The following AHCYL2 variants were observed in gnomAD, a reference collection of about 807,000 sequenced individuals.
AHCYL2 encodes S-adenosylhomocysteine hydrolase-like protein 2.
AHCYL2 carries 28 observed loss-of-function variants against 81.4 expected under a neutral mutation model. The observed-to-expected ratio is 0.34, with a 90% CI of 0.25 to 0.47. AHCYL2 has a LOEUF of 0.47. Among genes scored for constraint, AHCYL2 ranks in the 20% least tolerant of loss-of-function variants. AHCYL2 has a pLI of 1.00. For missense variants in AHCYL2, 551 were observed against 785.1 expected, an observed-to-expected ratio of 0.70 and a Z score of 3.56; for synonymous variants, 272 against 290.2, an observed-to-expected ratio of 0.94 and a Z score of 0.64.
chr7:129,288,112 T>C (rs1046864452), intron 1 of AHCYL2, among the ~76,000 whole-genome samples: 26 of 152,254 alleles, frequency 1.7e-4, no homozygotes, highest in Admixed American at 1.2e-3. Flanking sequence ...AATGTATATT[T>C]TTTCAGTATG....
At chr7:129,290,971 G>A (rs1297095976) in intron 1 of AHCYL2, among the ~76,000 whole-genome samples, 1 of 150,770 alleles carries the variant, frequency 6.6e-6, no homozygotes, top group African/African-American at 2.4e-5. Flanking sequence ...TTATTTAATT[G>A]CCATTTGTTA....
intron 6 of AHCYL2, among the ~76,000 whole-genome samples, chr7:129,400,899 A>C (rs1291505704): frequency 6.6e-6 from 1 of 152,210 alleles, no homozygotes; most frequent in African/African-American, 2.4e-5. Flanking sequence ...TCTTCTCTTT[A>C]TATTCTTTCC....
intron 1 of AHCYL2, among the ~76,000 whole-genome samples, chr7:129,236,043 G>A (rs1794632839): frequency 1.5e-5 from 2 of 135,794 alleles, no homozygotes; most frequent in East Asian, 2.1e-4. Flanking sequence ...TTTTTTGAGA[G>A]TTTTTTGAGA....
chr7:129,232,147 G>A (rs1364287797), intron 1 of AHCYL2, among the ~76,000 whole-genome samples: 2 of 152,096 alleles, frequency 1.3e-5, no homozygotes, highest in Non-Finnish European at 2.9e-5. Flanking sequence ...GCTCCAAGGT[G>A]AAACTTCATC....
chr7:129,385,983 G>A (rs1438505040), intron 2 of AHCYL2, among the ~76,000 whole-genome samples: 1 of 152,130 alleles, frequency 6.6e-6, no homozygotes, highest in Non-Finnish European at 1.5e-5. Context: ...GAATAAATGA[G>A]TAAATTTATT....
At chr7:129,327,937 G>T (rs1393886906) in intron 1 of AHCYL2, among the ~76,000 whole-genome samples, 1 of 151,982 alleles carries the variant, frequency 6.6e-6, no homozygotes, top group African/African-American at 2.4e-5. Context: ...GGTACTACAG[G>T]TATGCACCAC....
intron 1 of AHCYL2, among the ~76,000 whole-genome samples, chr7:129,232,303 C>G (rs1794475604): frequency 6.6e-6 from 1 of 152,156 alleles, no homozygotes; most frequent in African/African-American, 2.4e-5. Flanking sequence ...GTAGTACTAT[C>G]TTTATATTAT....
chr7:129,374,447 G>A (rs1794571865), intron 1 of AHCYL2, among the ~76,000 whole-genome samples: 2 of 151,656 alleles, frequency 1.3e-5, no homozygotes. Context: ...TTCTCTTCCA[G>A]AGATGTCAAT....
intron 1 of AHCYL2, among the ~76,000 whole-genome samples, chr7:129,305,235 G>A (rs1797398064): frequency 6.6e-6 from 1 of 152,170 alleles, no homozygotes; most frequent in Non-Finnish European, 1.5e-5. Context: ...GCCGAGGCGG[G>A]CAGATCACGA....
At chr7:129,305,093 ATATCT>A (rs777200577) in intron 1 of AHCYL2, among the ~76,000 whole-genome samples, 6 of 152,102 alleles carry the variant, frequency 3.9e-5, no homozygotes, top group Admixed American at 1.3e-4. Flanking sequence ...TTTGCAAATA[ATATCT>A]TATAACCCAT....
Position 129,225,435 on chromosome 7 carries a change from A to G in AHCYL2, c.359A>G (p.Lys120Arg). 1 of 1,510,476 alleles carries G rather than the reference A, an allele frequency of 6.6e-7. No individual in the cohort carries two copies. The highest frequency in any genetic ancestry group is 8.8e-7 in the Non-Finnish European group (1 of 1,135,448). 93.6% of individuals were successfully genotyped at this position (1,510,476 alleles called of 1,614,324 possible). A position where few individuals can be genotyped will look rare whatever the true frequency, so the allele number is the denominator to read the frequency against. Residue 120 changes from lysine to arginine, a missense_variant, in exon 1 of 17, where the codon AAG becomes AGG. By Grantham distance (26) the Lys-to-Arg change is conservative (BLOSUM62 2). This residue lies in a region of AHCYL2 where 235 missense variants were observed against 242.1 expected (regional missense o/e 0.97). Transcript: ENST00000325006. Reference sequence around the variant, plus strand: ...GTCACCGAGGCGCCGCGCACAGTCAAGAAGGTACTGGGGCCGGGCTGCCTC... The same window carrying G: ...GTCACCGAGGCGCCGCGCACAGTCAGGAAGGTACTGGGGCCGGGCTGCCTC... ...GTVTEAPRTVKKQIQFADQKQ... is the reference protein window; with the variant it reads ...GTVTEAPRTVRKQIQFADQKQ...
rs535102169 is a variant in AHCYL2, at chr7:129,281,784, C to G, written c.363+56345C>G. 7.9e-5 allele frequency among the ~76,000 whole-genome samples: 12 copies of G among 152,278 alleles called. No homozygotes were observed. In the South Asian group the frequency reaches 2.3e-3, roughly 29 times the overall value. On this transcript the variant is annotated intron_variant, in intron 1 of 16. Coordinates refer to ENST00000325006, the MANE Select transcript of AHCYL2 (RefSeq NM_015328.4). ...AAGTGCTGGGATTACAGGCGTGAGCCACTGCACCTGGCCATGTTTCTTGAT... is the reference window on the plus strand; with the variant it reads ...AAGTGCTGGGATTACAGGCGTGAGCGACTGCACCTGGCCATGTTTCTTGAT...
At chr7:129,364,184 C>T (rs745895267) in intron 1 of AHCYL2, among the ~76,000 whole-genome samples, 6 of 152,138 alleles carry the variant, frequency 3.9e-5, no homozygotes, top group Non-Finnish European at 8.8e-5. Flanking sequence ...GCAATGATCA[C>T]ATCACTGCAC....
At chr7:129,397,552 T>G (rs1173050625) in intron 5 of AHCYL2, among the ~76,000 whole-genome samples, 1 of 152,260 alleles carries the variant, frequency 6.6e-6, no homozygotes, top group Non-Finnish European at 1.5e-5. Context: ...TCTAATATTC[T>G]ATTGTTAGGT....
chr7:129,228,565 G>A (rs1794308345), intron 1 of AHCYL2, among the ~76,000 whole-genome samples: 1 of 152,224 alleles, frequency 6.6e-6, no homozygotes, highest in Admixed American at 6.5e-5. Context: ...TTGGGAAATG[G>A]GAAGGTAAGT....
At chr7:129,365,554 T>G (rs1004927108) in intron 1 of AHCYL2, among the ~76,000 whole-genome samples, 4 of 150,876 alleles carry the variant, frequency 2.7e-5, no homozygotes, top group African/African-American at 9.8e-5. Flanking sequence ...CCAAAACCAG[T>G]GTTCATGGTC....
Position 129,368,286 on chromosome 7 carries a change from AGCCG to A in AHCYL2, c.364-11348_364-11345del, listed in dbSNP as rs1345773359. On this transcript the variant is annotated intron_variant, in intron 1 of 16. Transcript: ENST00000325006. The surrounding 1 kb of genome is among the most constrained non-coding windows in gnomAD (Gnocchi z 4.4). ...TGAAATCAGACACAGAAGGCTTTGA[AGCCG>A]GCCAGTAAGGGGTTGTCAGGCAGTT... 1.1e-5 allele frequency: 16 copies of A among 1,419,154 alleles called. No homozygotes were observed. In the Admixed American group the frequency reaches 3.6e-4, roughly 32 times the overall value. 87.9% of individuals were successfully genotyped at this position (1,419,154 alleles called of 1,614,324 possible).
chr7:129,241,847 ATC>A (rs1427807387), intron 1 of AHCYL2, among the ~76,000 whole-genome samples: 4 of 151,816 alleles, frequency 2.6e-5, no homozygotes, highest in African/African-American at 4.8e-5. Context: ...GTGAGACCCT[ATC>A]TCTATTTTTT....
rs561909676 is a variant in AHCYL2, at chr7:129,271,645, G to A, written c.363+46206G>A. On this transcript the variant is annotated intron_variant, in intron 1 of 16. Transcript: ENST00000325006. Reference sequence around the variant, plus strand: ...CGGGTGCGGGTAACATTGGATTTTTGTCCTGGGTGATAGTTACATGGCTGT... The same window carrying A: ...CGGGTGCGGGTAACATTGGATTTTTATCCTGGGTGATAGTTACATGGCTGT... Among the ~76,000 whole-genome samples the A allele has an allele frequency of 1.1e-3, 175 of 152,202 alleles. 4 individuals carry two copies. Among genetic ancestry groups the A allele is most frequent in the Non-Finnish European group, 1.2e-3 (83 of 67,994 alleles).
Sources: gnomAD v4.1 joint callset for allele counts (sites outside exome capture counted in the v4.1 genomes callset) on GRCh38, gnomAD v4.1.1 for gene constraint, gnomAD v4.1.1 regional missense constraint, Gnocchi (gnomAD v3.1) non-coding constraint, MANE v1.5 for transcripts, NCBI Gene and HGNC (gene_info 2026-07-23, HGNC 2026-07-21) for gene names.